The following PCLO variants were observed in gnomAD, a reference collection of about 807,000 sequenced individuals.
PCLO encodes piccolo presynaptic cytomatrix protein.
PCLO carries 82 observed loss-of-function variants against 427.5 expected under a neutral mutation model. The observed-to-expected ratio is 0.19, with a 90% confidence interval of 0.16 to 0.23. The LOEUF (loss-of-function observed/expected upper bound fraction) is 0.23. Among genes scored for constraint, PCLO ranks in the 10% least tolerant of loss-of-function variants. The pLI is 1.00. For missense variants in PCLO, 6,239 were observed against 6,115.9 expected (o/e 1.02, Z -0.67); for synonymous variants, 2,357 against 2,155.4 (o/e 1.09, Z -2.59).
At chr7:82,926,302 T>C (rs1177324683) in intron 6 of PCLO, among the ~76,000 whole-genome samples, 2 of 152,140 alleles carry the variant, frequency 1.3e-5, no homozygotes, top group Non-Finnish European at 2.9e-5. Context: ...TTAAAAATTA[T>C]AGACATCTTT....
At chr7:83,018,285 A>AT (rs1360127583) in intron 3 of PCLO, among the ~76,000 whole-genome samples, 1 of 152,030 alleles carries the variant, frequency 6.6e-6, no homozygotes, top group Non-Finnish European at 1.5e-5. Flanking sequence ...ATATAAACAT[A>AT]TATAAAGAAT....
chr7:83,026,546 C>T (rs1429254876), intron 3 of PCLO, among the ~76,000 whole-genome samples: 11 of 151,248 alleles, frequency 7.3e-5, no homozygotes, highest in African/African-American at 1.5e-4. Flanking sequence ...GACAGATCAA[C>T]GAGACAGAAA....
At chr7:82,805,197 G>C (rs943833807) in intron 21 of PCLO, among the ~76,000 whole-genome samples, 1 of 151,924 alleles carries the variant, frequency 6.6e-6, no homozygotes, top group African/African-American at 2.4e-5. Flanking sequence ...GAAACACTTC[G>C]AAACCTTCAA....
chr7:83,135,362 A>G lies in PCLO; in HGVS notation c.2188T>C (p.Ser730Pro), dbSNP rs1584072062. ...AKQPPEADSL[S>P]KPAPPKEPSV... ...GGTTCTTTGGGAGGGGCTGGCTTGG[A>G]CAAAGAATCTGCCTCAGGGGGCTGC... Residue 730 changes from serine to proline, a missense_variant, in exon 3 of 25, where the codon TCC becomes CCC. Around this residue, in one of 5 missense-constraint regions of PCLO, gnomAD observed 4,677 missense variants for 4,468.4 expected, o/e 1.05. Transcript: ENST00000333891. 4 of 1,613,948 alleles carry G rather than the reference A, an allele frequency of 2.5e-6. No homozygotes were observed. Among genetic ancestry groups the G allele is most frequent in the Non-Finnish European group, 3.4e-6 (4 of 1,179,896 alleles).
chr7:82,800,627 CCTCT>C (rs1400570889), intron 22 of PCLO, among the ~76,000 whole-genome samples: 2 of 151,728 alleles, frequency 1.3e-5, no homozygotes, highest in African/African-American at 4.8e-5. Flanking sequence ...ATGGAGTCTC[CCTCT>C]GTCGCCCAGG....
At chr7:82,784,482 T>C (rs1422794695) in intron 22 of PCLO, among the ~76,000 whole-genome samples, 1 of 152,236 alleles carries the variant, frequency 6.6e-6, no homozygotes, top group East Asian at 1.9e-4. Context: ...ATGCCCAGAA[T>C]TGAATTGCCC....
chr7:83,106,959 T>C (rs775159398), intron 3 of PCLO, among the ~76,000 whole-genome samples: 2 of 117,516 alleles, frequency 1.7e-5, no homozygotes, highest in Admixed American at 9.5e-5. Flanking sequence ...ACATATGTGC[T>C]CATTAAGTAG....
intron 3 of PCLO, among the ~76,000 whole-genome samples, chr7:83,091,699 G>C (rs1790382196): frequency 6.6e-6 from 1 of 152,008 alleles, no homozygotes; most frequent in Admixed American, 6.6e-5. Context: ...AATTGATTTT[G>C]CATTTTGAGA....
chr7:83,011,040 A>C (rs985716057), intron 3 of PCLO, among the ~76,000 whole-genome samples: 1 of 152,050 alleles, frequency 6.6e-6, no homozygotes, highest in Non-Finnish European at 1.5e-5. Context: ...TCTTGTATGA[A>C]ACTATCCCTT....
At chr7:82,873,209 G>A (rs1189002413) in intron 10 of PCLO, among the ~76,000 whole-genome samples, 2 of 78,828 alleles carry the variant, frequency 2.5e-5, no homozygotes, top group Non-Finnish European at 5.0e-5. Flanking sequence ...TTGTACATTC[G>A]AACCTTTTTA....
chr7:82,783,119 C>T (rs1194937738), intron 22 of PCLO, among the ~76,000 whole-genome samples: 1 of 152,164 alleles, frequency 6.6e-6, no homozygotes, highest in South Asian at 2.1e-4. Flanking sequence ...GGCCAACTTT[C>T]AGAGAAAAGC....
At chr7:83,057,708 A>G (rs1468210984) in intron 3 of PCLO, among the ~76,000 whole-genome samples, 2 of 151,902 alleles carry the variant, frequency 1.3e-5, no homozygotes, top group African/African-American at 2.4e-5. Flanking sequence ...TACCTACATC[A>G]CGACCGATCT....
At chr7:83,089,751 G>A (rs1182637780) in intron 3 of PCLO, among the ~76,000 whole-genome samples, 1 of 152,142 alleles carries the variant, frequency 6.6e-6, no homozygotes, top group East Asian at 1.9e-4. Flanking sequence ...CTGCACTAGT[G>A]CCCTGAGATC....
At chr7:82,768,243 C>CA (rs1278653540) in intron 22 of PCLO, among the ~76,000 whole-genome samples, 1 of 151,702 alleles carries the variant, frequency 6.6e-6, no homozygotes, top group Non-Finnish European at 1.5e-5. Context: ...GCCAACATGG[C>CA]AAAAACCCGT....
chr7:82,819,151 T>C (rs1791737949), intron 20 of PCLO, among the ~76,000 whole-genome samples: 1 of 152,150 alleles, frequency 6.6e-6, no homozygotes, highest in Admixed American at 6.6e-5. Flanking sequence ...GCAGAAAAAT[T>C]ATACTTTAGA....
chr7:82,826,595 A>C lies in PCLO; in HGVS notation c.14409T>G (p.Leu4803=). 3 of 1,603,338 alleles carry C rather than the reference A, an allele frequency of 1.9e-6. No individual in the cohort carries two copies. The highest frequency in any genetic ancestry group is 2.6e-6 in the Non-Finnish European group (3 of 1,172,516). The change falls in exon 18 of 25, where the codon CTT becomes CTG. Residue 4803 remains leucine (L), a synonymous_variant. Transcript: ENST00000333891. The stretch of plus-strand genomic sequence containing the variant: ...AAGGAAGTCAGAGGCTTACCTCCCC[A>C]AGGAAGTCGTTGGATGAAAATCTAT... ...DYDRFSSNDF[L]GEVLIDLSST... is the part of the protein sequence containing the mutation.
intron 3 of PCLO, among the ~76,000 whole-genome samples, chr7:83,047,720 G>A (rs1363517549): frequency 3.3e-5 from 5 of 151,914 alleles, no homozygotes; most frequent in Non-Finnish European, 5.9e-5. Context: ...AAAATCCTTT[G>A]AAGAAATATT....
chr7:82,892,074 T>C (rs1793780607), intron 9 of PCLO, among the ~76,000 whole-genome samples: 1 of 152,098 alleles, frequency 6.6e-6, no homozygotes, highest in Non-Finnish European at 1.5e-5. Context: ...CGGAAAAAAC[T>C]ACTTTAAAGT....
intron 10 of PCLO, among the ~76,000 whole-genome samples, chr7:82,855,758 T>C (rs1320931977): frequency 6.6e-6 from 1 of 152,044 alleles, no homozygotes; most frequent in African/African-American, 2.4e-5. Context: ...GGGAGATTGA[T>C]GAAAAATTAT....
Sources: gnomAD v4.1 joint callset for allele counts (sites outside exome capture counted in the v4.1 genomes callset) on GRCh38, gnomAD v4.1.1 for gene constraint, gnomAD v4.1.1 regional missense constraint, MANE v1.5 for transcripts, NCBI Gene and HGNC (gene_info 2026-07-23, HGNC 2026-07-21) for gene names.